The following KCNH7 variants were observed in gnomAD, a reference collection of about 807,000 sequenced individuals.
The protein encoded by KCNH7 is voltage-gated inwardly rectifying potassium channel KCNH7.
In KCNH7, 49 loss-of-function variants were observed where a neutral mutation model predicts 120.8. The observed-to-expected ratio is 0.41, with a 90% CI of 0.32 to 0.51. The LOEUF (loss-of-function observed/expected upper bound fraction) is 0.51. Ranked by LOEUF, KCNH7 falls within the 20% of genes least tolerant of loss-of-function variation. KCNH7 has a pLI of 0.38. For synonymous variants in KCNH7, 547 were observed against 516.1 expected (o/e 1.06, Z -0.81); for missense variants, 1,097 against 1,446.6 (o/e 0.76, Z 3.92).
intron 2 of KCNH7, among the ~76,000 whole-genome samples, chr2:162,770,348 A>G (rs957870544): frequency 3.3e-5 from 5 of 150,468 alleles, no homozygotes; most frequent in Admixed American, 3.3e-4. Context: ...ACATTCATAT[A>G]TATACATATT....
At chr2:162,576,873 T>A (rs1693687043) in intron 2 of KCNH7, among the ~76,000 whole-genome samples, 1 of 151,956 alleles carries the variant, frequency 6.6e-6, no homozygotes, top group Non-Finnish European at 1.5e-5. Flanking sequence ...TACTTTATTA[T>A]AAACTCTTCC....
At chr2:162,738,749 G>C (rs921835637) in intron 2 of KCNH7, among the ~76,000 whole-genome samples, 3 of 152,066 alleles carry the variant, frequency 2.0e-5, no homozygotes, top group Non-Finnish European at 2.9e-5. Flanking sequence ...ACTTCATCTG[G>C]GCTCCTTGGA....
chr2:162,491,514 A>G (rs1451324587), intron 6 of KCNH7, among the ~76,000 whole-genome samples: 1 of 152,186 alleles, frequency 6.6e-6, no homozygotes, highest in African/African-American at 2.4e-5. Flanking sequence ...TTTCATAGAT[A>G]GAGGTCATGC....
intron 2 of KCNH7, among the ~76,000 whole-genome samples, chr2:162,756,998 A>T (rs867874651): frequency 1.1e-4 from 17 of 152,204 alleles, no homozygotes; most frequent in Non-Finnish European, 1.8e-4. Flanking sequence ...TAACCGTGGT[A>T]AAATTAAGTC....
chr2:162,689,220 G>A lies in KCNH7; in HGVS notation c.307+147317C>T, dbSNP rs1038868461. On this transcript the variant is annotated intron_variant, in intron 2 of 15. Transcript: ENST00000332142. ...GGCTGGAGTGCAAAGGCACGATCTC[G>A]GCTCACTGCAACCTACATCTCCCAA... is the stretch of plus-strand genomic sequence containing the variant. Among the ~76,000 whole-genome samples, 10 of 151,988 alleles carry A rather than the reference G, an allele frequency of 6.6e-5. No homozygotes were observed. In the East Asian group the frequency reaches 1.7e-3, roughly 27 times the overall value.
chr2:162,487,628 T>G (rs888692724), intron 6 of KCNH7, among the ~76,000 whole-genome samples: 1 of 152,328 alleles, frequency 6.6e-6, no homozygotes, highest in East Asian at 1.9e-4. Context: ...TTAGAAACAA[T>G]TGAGTTCTAG....
intron 5 of KCNH7, among the ~76,000 whole-genome samples, chr2:162,510,002 G>A (rs1691014906): frequency 6.6e-6 from 1 of 151,504 alleles, no homozygotes; most frequent in Non-Finnish European, 1.5e-5. Context: ...GACTTGTAAA[G>A]CAAAATAGAA....
intron 2 of KCNH7, among the ~76,000 whole-genome samples, chr2:162,683,407 A>G (rs1484929107): frequency 6.6e-6 from 1 of 151,896 alleles, no homozygotes; most frequent in East Asian, 1.9e-4. Flanking sequence ...TATTTTAGTG[A>G]TGAAAATAAG....
chr2:162,828,572 T>C (rs753417976), intron 2 of KCNH7, among the ~76,000 whole-genome samples: 5 of 151,706 alleles, frequency 3.3e-5, no homozygotes, highest in Non-Finnish European at 5.9e-5. Context: ...ATAAAAACAC[T>C]CCTAAAGATC....
At chr2:162,548,035 C>T (rs541472609) in intron 2 of KCNH7, among the ~76,000 whole-genome samples, 2 of 152,298 alleles carry the variant, frequency 1.3e-5, no homozygotes, top group East Asian at 1.9e-4. Context: ...TTTTAGCCCT[C>T]TCCTCTTCTC....
At chr2:162,548,962 C>T (rs1269888154) in intron 2 of KCNH7, among the ~76,000 whole-genome samples, 1 of 152,024 alleles carries the variant, frequency 6.6e-6, no homozygotes, top group Non-Finnish European at 1.5e-5. Flanking sequence ...AAGATAGGGC[C>T]CAATATTGAT....
intron 2 of KCNH7, among the ~76,000 whole-genome samples, chr2:162,745,033 G>A (rs1047292370): frequency 1.3e-5 from 2 of 152,156 alleles, no homozygotes; most frequent in Non-Finnish European, 2.9e-5. Flanking sequence ...ATTGGTTTTT[G>A]CATATCTACC....
rs999406186 is a variant in KCNH7 at position 162,521,908 on chromosome 2, T to C, written c.464-3750A>G. ...TATCCCCACTTTATCCCCCACCCCG[T>C]ACCCTGCTACCCTTCCTATCCTCTG... On this transcript the variant is annotated intron_variant, in intron 3 of 15. Coordinates refer to ENST00000332142, the MANE Select transcript of KCNH7 (RefSeq NM_033272.4). Among the ~76,000 whole-genome samples the C allele has an allele frequency of 7.9e-5, 12 of 151,860 alleles. No homozygotes were observed. In the South Asian group the frequency reaches 8.3e-4, roughly 10 times the overall value.
chr2:162,561,703 T>C lies in KCNH7; in HGVS notation c.308-24623A>G, dbSNP rs1327026223. Among the ~76,000 whole-genome samples, 3 of 152,308 alleles carry C rather than the reference T, an allele frequency of 2.0e-5. No individual in the cohort carries two copies. The East Asian group carries it at 5.8e-4, about 29-fold the overall frequency. On this transcript the variant is annotated intron_variant, in intron 2 of 15. Transcript: ENST00000332142. Reference sequence around the variant, plus strand: ...CATAAATGTCTTCTTTTGAGAAGTGTCTGTTCATATCCTTTGCCCACTTTC... The same window carrying C: ...CATAAATGTCTTCTTTTGAGAAGTGCCTGTTCATATCCTTTGCCCACTTTC...
chr2:162,442,580 C>T (rs145169769), intron 7 of KCNH7, among the ~76,000 whole-genome samples: 13 of 152,026 alleles, frequency 8.6e-5, no homozygotes, highest in African/African-American at 2.7e-4. Context: ...ATTTTAGGGC[C>T]GGGCACACTG....
chr2:162,689,657 GTTTAA>G (rs1490382867), intron 2 of KCNH7, among the ~76,000 whole-genome samples: 4 of 151,840 alleles, frequency 2.6e-5, no homozygotes, highest in Non-Finnish European at 4.4e-5. Flanking sequence ...TTTAATTAAT[GTTTAA>G]TTTAATAAAA....
chr2:162,490,740 T>C (rs544649098), intron 6 of KCNH7, among the ~76,000 whole-genome samples: 152 of 152,308 alleles, frequency 1.0e-3, no homozygotes, highest in Non-Finnish European at 2.0e-3. Context: ...TCAGCCTCTT[T>C]GCAATCCAGA....
At chr2:162,766,864 TACACACACACACACAC>T (rs200638624) in intron 2 of KCNH7, among the ~76,000 whole-genome samples, 112 of 141,610 alleles carry the variant, frequency 7.9e-4, no homozygotes, top group Non-Finnish European at 1.1e-3. Context: ...CTAAGCACAT[TACACACACACACACAC>T]ACACACACAC....
intron 9 of KCNH7, among the ~76,000 whole-genome samples, chr2:162,403,978 T>G (rs546379473): frequency 8.6e-5 from 13 of 151,956 alleles, no homozygotes; most frequent in African/African-American, 1.2e-4. Context: ...CCCCTTTTCA[T>G]TGGCCTCAGC....
Sources: gnomAD v4.1 joint callset for allele counts (sites outside exome capture counted in the v4.1 genomes callset) on GRCh38, gnomAD v4.1.1 for gene constraint, MANE v1.5 for transcripts, NCBI Gene and HGNC (gene_info 2026-07-23, HGNC 2026-07-21) for gene names.